ADARB2: variants seen among roughly 807,000 people sequenced by gnomAD.
ADARB2 encodes the protein inactive double-stranded RNA-specific editase B2.
ADARB2 carries 25 observed loss-of-function variants against 62.2 expected under a neutral mutation model. The ratio of observed to expected loss-of-function variants is 0.40; its 90% confidence interval spans 0.29 to 0.56. ADARB2 has a LOEUF of 0.56. Among genes scored for constraint, ADARB2 ranks in the 20% least tolerant of loss-of-function variants. The pLI is 0.43. For missense variants in ADARB2, 1,071 were observed against 1,077.4 expected, an observed-to-expected ratio of 0.99 and a Z score of 0.08; for synonymous variants, 572 against 500.8, an observed-to-expected ratio of 1.14 and a Z score of -1.90.
At position 1,704,421 on chromosome 10, in the gene ADARB2, A is replaced by C. The variant is rs1834861960; in HGVS notation, c.100+32630T>G. Among the ~76,000 whole-genome samples, 1 of 152,352 alleles carries C rather than the reference A, an allele frequency of 6.6e-6. No individual in the cohort carries two copies. Among genetic ancestry groups the C allele is most frequent in the Middle Eastern group, 3.4e-3 (1 of 294 alleles). On this transcript the variant is annotated intron_variant, in intron 1 of 9. Coordinates refer to ENST00000381312, the MANE Select transcript of ADARB2 (RefSeq NM_018702.4). This position sits in a 1 kb window ranked among gnomAD's most constrained non-coding sequence, Gnocchi z 5.6. ...ATTAGATTTTCATAAGGAGTCTGCA[A>C]CCTGGATCCCTTACAAGCACAGTTA...
intron 2 of ADARB2, among the ~76,000 whole-genome samples, chr10:1,373,473 G>A (rs1380860872): frequency 6.6e-6 from 1 of 152,300 alleles, no homozygotes; most frequent in East Asian, 1.9e-4. Context: ...GTGCGTGTAC[G>A]AGTGTGTGCC....
chr10:1,266,561 A>G (rs907294714), intron 4 of ADARB2, among the ~76,000 whole-genome samples: 2 of 152,072 alleles, frequency 1.3e-5, no homozygotes, highest in East Asian at 1.9e-4. Context: ...GCTGATGGAA[A>G]TGGGCCCTGG....
Position 1,258,938 on chromosome 10 carries a change from T to G in ADARB2, c.1192+12017A>C, listed in dbSNP as rs1219146066. Among the ~76,000 whole-genome samples, 3 of 152,302 alleles carry G rather than the reference T, an allele frequency of 2.0e-5. No individual in the cohort carries two copies. In the East Asian group the frequency reaches 5.8e-4, roughly 29 times the overall value. ...AGCAAATGTAAAAGAACAGAAATTA[T>G]AACAAACTGTCTCTGAGACCACAGT... is the stretch of plus-strand genomic sequence containing the variant. On this transcript the variant is annotated intron_variant, in intron 4 of 9. Transcript: ENST00000381312.
chr10:1,268,118 A>T (rs1252713203), intron 4 of ADARB2, among the ~76,000 whole-genome samples: 1 of 152,220 alleles, frequency 6.6e-6, no homozygotes, highest in Non-Finnish European at 1.5e-5. Flanking sequence ...CAAACATAAT[A>T]ATGGAAAATG....
At chr10:1,391,766 ATTTT>A (rs60956446) in intron 1 of ADARB2, among the ~76,000 whole-genome samples, 5 of 91,614 alleles carry the variant, frequency 5.5e-5, no homozygotes, top group African/African-American at 2.2e-4. Context: ...TAAGAATTGG[ATTTT>A]TTTTTTTTTT....
chr10:1,217,761 C>T lies in ADARB2; in HGVS notation c.1514-642G>A, dbSNP rs146327392. 1.6e-3 allele frequency among the ~76,000 whole-genome samples: 244 copies of T among 152,248 alleles called. 1 individual carries two copies. Among genetic ancestry groups the T allele is most frequent in the African/African-American group, 4.8e-3 (200 of 41,552 alleles). On this transcript the variant is annotated intron_variant, in intron 6 of 9. Coordinates refer to ENST00000381312, the MANE Select transcript of ADARB2 (RefSeq NM_018702.4). ...GCTTGCCGCCCAGGCTGTGAGGAGT[C>T]GGTGAGGTGGCTCCTGTGAAGGTGC... is the stretch of plus-strand genomic sequence containing the variant.
chr10:1,313,129 G>A (rs904864171), intron 3 of ADARB2, among the ~76,000 whole-genome samples: 1 of 152,192 alleles, frequency 6.6e-6, no homozygotes, highest in African/African-American at 2.4e-5. Flanking sequence ...GGAACCAGCC[G>A]TGGAGTGGGG....
At chr10:1,603,155 A>G (rs1364736932) in intron 1 of ADARB2, among the ~76,000 whole-genome samples, 1 of 86,606 alleles carries the variant, frequency 1.2e-5, no homozygotes, top group African/African-American at 3.6e-5. Context: ...ACACACCTGT[A>G]CACACATTAA....
intron 1 of ADARB2, among the ~76,000 whole-genome samples, chr10:1,527,448 T>C (rs550409059): frequency 6.6e-6 from 1 of 152,190 alleles, no homozygotes; most frequent in African/African-American, 2.4e-5. Flanking sequence ...AAAAACTTCT[T>C]CCTCCTTGAT....
chr10:1,617,897 G>C (rs1176251379), intron 1 of ADARB2, among the ~76,000 whole-genome samples: 1 of 152,236 alleles, frequency 6.6e-6, no homozygotes, highest in African/African-American at 2.4e-5. Flanking sequence ...GACAGTTGCT[G>C]TGTTTCTCTT....
chr10:1,530,088 C>T (rs2131958425), intron 1 of ADARB2, among the ~76,000 whole-genome samples: 1 of 151,398 alleles, frequency 6.6e-6, no homozygotes, highest in African/African-American at 2.4e-5. Flanking sequence ...TGGTACCTGT[C>T]CACTGCCCCT....
At chr10:1,299,263 C>G (rs1213064036) in intron 3 of ADARB2, among the ~76,000 whole-genome samples, 1 of 151,692 alleles carries the variant, frequency 6.6e-6, no homozygotes, top group Non-Finnish European at 1.5e-5. Flanking sequence ...CAGGAGCCTG[C>G]CTGCAAAAGC....
At chr10:1,430,673 G>A (rs1416188777) in intron 1 of ADARB2, among the ~76,000 whole-genome samples, 2 of 152,084 alleles carry the variant, frequency 1.3e-5, no homozygotes, top group Non-Finnish European at 2.9e-5. Flanking sequence ...CTGGGAGGCG[G>A]AGGTTGCAGT....
At position 1,477,973 on chromosome 10, in the gene ADARB2, G is replaced by A. The variant is rs887165359; in HGVS notation, c.101-98813C>T. ...CCATGTGGGATCCTGTGATGCCCAG[G>A]TAAACTGTCCCACTGTGTGCCTGTG... On this transcript the variant is annotated intron_variant, in intron 1 of 9. Transcript: ENST00000381312. The surrounding 1 kb of genome is among the most constrained non-coding windows in gnomAD (Gnocchi z 4.5). Among the ~76,000 whole-genome samples, 3 of 152,158 alleles carry A rather than the reference G, an allele frequency of 2.0e-5. No homozygotes were observed. The highest frequency in any genetic ancestry group is 4.4e-5 in the Non-Finnish European group (3 of 68,034).
chr10:1,527,600 TA>T (rs1379395199), intron 1 of ADARB2, among the ~76,000 whole-genome samples: 1 of 152,196 alleles, frequency 6.6e-6, no homozygotes, highest in Non-Finnish European at 1.5e-5. Context: ...AGACTTGCTG[TA>T]AAAAGACTTG....
At chr10:1,456,168 G>A (rs79582147) in intron 1 of ADARB2, among the ~76,000 whole-genome samples, 1 of 152,124 alleles carries the variant, frequency 6.6e-6, no homozygotes, top group Non-Finnish European at 1.5e-5. Flanking sequence ...GGGACCCGGC[G>A]AGGGAAAAAG....
chr10:1,525,416 T>A (rs777677256), intron 1 of ADARB2, among the ~76,000 whole-genome samples: 1 of 152,244 alleles, frequency 6.6e-6, no homozygotes, highest in Non-Finnish European at 1.5e-5. Flanking sequence ...TGATTCTTTT[T>A]ATTCCACATT....
chr10:1,348,218 C>G (rs1832099083), intron 3 of ADARB2, among the ~76,000 whole-genome samples: 1 of 152,090 alleles, frequency 6.6e-6, no homozygotes. Flanking sequence ...AGGAACATTT[C>G]CCTGTTGTTT....
intron 7 of ADARB2, among the ~76,000 whole-genome samples, chr10:1,209,090 G>A (rs1175275669): frequency 1.3e-5 from 2 of 152,116 alleles, no homozygotes; most frequent in Non-Finnish European, 2.9e-5. Context: ...CCTTCTGAAT[G>A]GCGGAGAACA....
Sources: allele counts gnomAD v4.1 joint callset (sites outside exome capture counted in the v4.1 genomes callset), GRCh38; gene constraint gnomAD v4.1.1; non-coding constraint Gnocchi (gnomAD v3.1); transcripts MANE v1.5; gene names NCBI Gene and HGNC (gene_info 2026-07-23, HGNC 2026-07-21).